The following GPR158 variants were observed in gnomAD, a reference collection of about 807,000 sequenced individuals.
GPR158 encodes the protein metabotropic glycine receptor.
A neutral mutation model predicts 78.2 loss-of-function variants in GPR158; 30 were observed. That is an observed-to-expected ratio of 0.38 (90% CI 0.29 to 0.52). GPR158 has a LOEUF of 0.52. Ranked by LOEUF, GPR158 falls within the 20% of genes least tolerant of loss-of-function variation. The probability of loss-of-function intolerance (pLI) is 0.83; values close to 1 mark genes in which losing one functional copy is unlikely to be tolerated. For missense variants in GPR158, 1,463 were observed against 1,523.5 expected, an observed-to-expected ratio of 0.96 and a Z score of 0.66; for synonymous variants, 581 against 591.1, an observed-to-expected ratio of 0.98 and a Z score of 0.25.
At position 25,458,509 on chromosome 10, in the gene GPR158, C is replaced by T. The variant is rs1015261695; in HGVS notation, c.1336-8142C>T. On this transcript the variant is annotated intron_variant, in intron 4 of 10. Transcript: ENST00000376351. ...AAGACAGGACTGTTCTGGCACTGAT[C>T]AGCCGAGTGAGCTTCACTTCTCTGC... 7.9e-5 allele frequency among the ~76,000 whole-genome samples: 12 copies of T among 152,338 alleles called. 1 individual carries two copies. In the South Asian group the frequency reaches 1.4e-3, roughly 18 times the overall value.
intron 2 of GPR158, among the ~76,000 whole-genome samples, chr10:25,300,869 C>T (rs1564415272): frequency 6.6e-6 from 1 of 151,874 alleles, no homozygotes; most frequent in African/African-American, 2.4e-5. Flanking sequence ...CCTTATTAGA[C>T]AAGCAGAAGT....
Position 25,175,461 on chromosome 10 carries a change from T to G in GPR158, c.41T>G (p.Leu14Arg). ...MAYPLLLCLL[L>R]AQLGLGAVGA... The stretch of plus-strand genomic sequence containing the variant: ...TACCCCTTACTCCTCTGCCTCCTGC[T>G]TGCTCAGCTGGGATTGGGAGCTGTT... The change falls in exon 1 of 11, where the codon CTT becomes CGT. Residue 14 changes from leucine (L) to arginine (R), a missense_variant. Transcript: ENST00000376351. This position sits in a 1 kb window ranked among gnomAD's most constrained non-coding sequence, Gnocchi z 6.4. 1 of 1,605,494 alleles carries G rather than the reference T, an allele frequency of 6.2e-7. No individual in the cohort carries two copies. The highest frequency in any genetic ancestry group is 8.5e-7 in the Non-Finnish European group (1 of 1,175,828).
intron 1 of GPR158, among the ~76,000 whole-genome samples, chr10:25,200,868 G>GTTTTTTTTTTTTTTTTTTT (rs56696555): frequency 7.1e-5 from 8 of 113,294 alleles, no homozygotes; most frequent in Non-Finnish European, 1.4e-4. Context: ...TTTTTGTTTT[G>GTTTTTTTTTTTTTTTTTTT]TTTTTTTTTT....
intron 2 of GPR158, among the ~76,000 whole-genome samples, chr10:25,299,572 T>C (rs1854562683): frequency 2.0e-5 from 3 of 152,212 alleles, no homozygotes; most frequent in Admixed American, 1.3e-4. Flanking sequence ...TGACAGACTT[T>C]CCTTTTTAAA....
chr10:25,548,870 A>G (rs1159559034), intron 5 of GPR158, among the ~76,000 whole-genome samples: 2 of 152,208 alleles, frequency 1.3e-5, no homozygotes, highest in African/African-American at 2.4e-5. Context: ...GGCCAACCCA[A>G]TCTTTCACTT....
intron 2 of GPR158, among the ~76,000 whole-genome samples, chr10:25,253,191 C>G (rs1480370651): frequency 1.3e-5 from 2 of 152,244 alleles, no homozygotes; most frequent in Admixed American, 6.5e-5. Context: ...GTGCGCGCAC[C>G]CACTGGCCTG....
At chr10:25,222,067 C>A (rs2130684051) in intron 2 of GPR158, among the ~76,000 whole-genome samples, 1 of 152,194 alleles carries the variant, frequency 6.6e-6, no homozygotes, top group South Asian at 2.1e-4. Flanking sequence ...GCAATAAGCA[C>A]TTATTTGTGC....
At chr10:25,356,588 GAT>G (rs1855557145) in intron 2 of GPR158, among the ~76,000 whole-genome samples, 1 of 151,712 alleles carries the variant, frequency 6.6e-6, no homozygotes. Flanking sequence ...TACAAGATTT[GAT>G]AGTTTTTAAA....
intron 2 of GPR158, among the ~76,000 whole-genome samples, chr10:25,221,905 T>A (rs1002895099): frequency 4.6e-5 from 7 of 152,174 alleles, no homozygotes; most frequent in Admixed American, 2.0e-4. Context: ...CATGAGTTTG[T>A]GAGGAAAGTC....
chr10:25,327,818 T>A (rs1209049355), intron 2 of GPR158, among the ~76,000 whole-genome samples: 1 of 144,508 alleles, frequency 6.9e-6, no homozygotes, highest in Non-Finnish European at 1.5e-5. Flanking sequence ...AAATTCAGAA[T>A]GATTTGGTTT....
At chr10:25,275,788 A>T (rs1854175476) in intron 2 of GPR158, among the ~76,000 whole-genome samples, 1 of 152,190 alleles carries the variant, frequency 6.6e-6, no homozygotes, top group Non-Finnish European at 1.5e-5. Flanking sequence ...GTCATTTTAC[A>T]TGTGGAGAAA....
intron 2 of GPR158, among the ~76,000 whole-genome samples, chr10:25,374,935 A>C (rs1218751894): frequency 6.6e-6 from 1 of 151,732 alleles, no homozygotes; most frequent in East Asian, 1.9e-4. Flanking sequence ...TGTCACATGG[A>C]AAGTGCAAGT....
chr10:25,258,518 A>T lies in GPR158; in HGVS notation c.1008+37361A>T, dbSNP rs192383595. Among the ~76,000 whole-genome samples, 529 of 152,248 alleles carry T rather than the reference A, an allele frequency of 3.5e-3. 2 individuals carry two copies. Among genetic ancestry groups the T allele is most frequent in the African/African-American group, 0.012 (517 of 41,560 alleles). ...GTAACAAACCCTTCCCTTCTGAATCATAGAAATATTTTCTATAATTTCTTC... is the reference window on the plus strand; with the variant it reads ...GTAACAAACCCTTCCCTTCTGAATCTTAGAAATATTTTCTATAATTTCTTC... On this transcript the variant is annotated intron_variant, in intron 2 of 10. Transcript: ENST00000376351.
chr10:25,204,920 C>T (rs1320903103), intron 1 of GPR158, among the ~76,000 whole-genome samples: 1 of 151,016 alleles, frequency 6.6e-6, no homozygotes, highest in African/African-American at 2.5e-5. Context: ...TTGTAGCTCC[C>T]ATAATTCCCA....
intron 3 of GPR158, among the ~76,000 whole-genome samples, chr10:25,410,884 A>AC (rs1435343901): frequency 1.3e-5 from 2 of 152,212 alleles, no homozygotes; most frequent in African/African-American, 2.4e-5. Context: ...AACAAAGCAG[A>AC]CAAATACATT....
chr10:25,514,842 C>G (rs116199763), intron 5 of GPR158, among the ~76,000 whole-genome samples: 1 of 152,026 alleles, frequency 6.6e-6, no homozygotes, highest in African/African-American at 2.4e-5. Flanking sequence ...AAAATGGGAC[C>G]CCAATCTTTT....
chr10:25,556,659 G>A (rs1187640523), intron 6 of GPR158, among the ~76,000 whole-genome samples: 1 of 152,174 alleles, frequency 6.6e-6, no homozygotes, highest in East Asian at 1.9e-4. Flanking sequence ...CTCTTTCCCA[G>A]TCAATGAGTG....
In GPR158 at chr10:25,514,910, T is replaced by A. The variant is rs557776668; in HGVS notation, c.1405-36066T>A. 3.1e-3 allele frequency among the ~76,000 whole-genome samples: 465 copies of A among 152,324 alleles called. 1 individual carries two copies. Among genetic ancestry groups the A allele is most frequent in the African/African-American group, 9.4e-3 (391 of 41,590 alleles). ...TGTTAACTTGATAGATTTTCCTTTATAGGTTACCTGGTGCTTTTGCTTCAT... is the reference window on the plus strand; with the variant it reads ...TGTTAACTTGATAGATTTTCCTTTAAAGGTTACCTGGTGCTTTTGCTTCAT... On this transcript the variant is annotated intron_variant, in intron 5 of 10. Coordinates refer to ENST00000376351, the MANE Select transcript of GPR158 (RefSeq NM_020752.3).
At chr10:25,414,032 G>A (rs73608290) in intron 4 of GPR158, among the ~76,000 whole-genome samples, 1,692 of 151,850 alleles carry the variant, frequency 0.011, 31 homozygotes, top group African/African-American at 0.039. Context: ...GAATTGAAAG[G>A]TCTGTCTAAC....
Sources: gnomAD v4.1 joint callset for allele counts (sites outside exome capture counted in the v4.1 genomes callset) on GRCh38, gnomAD v4.1.1 for gene constraint, Gnocchi (gnomAD v3.1) non-coding constraint, MANE v1.5 for transcripts, NCBI Gene and HGNC (gene_info 2026-07-23, HGNC 2026-07-21) for gene names.